TMPRSS9: variants seen among roughly 807,000 people sequenced by gnomAD.
TMPRSS9 encodes the protein transmembrane serine protease 9.
In TMPRSS9, 113 loss-of-function variants were observed where a neutral mutation model predicts 111.4. The observed-to-expected ratio is 1.01, with a 90% CI of 0.87 to 1.19. The LOEUF is 1.19. TMPRSS9 is among the 50% of genes most tolerant of loss of function. The probability of loss-of-function intolerance (pLI) is 0.00; values close to 1 mark genes in which losing one functional copy is unlikely to be tolerated. For missense variants in TMPRSS9, 1,803 were observed against 1,513.1 expected, an observed-to-expected ratio of 1.19 and a Z score of -3.18; for synonymous variants, 805 against 659.1, an observed-to-expected ratio of 1.22 and a Z score of -3.39.
intron 13 of TMPRSS9, among the ~76,000 whole-genome samples, chr19:2,421,547 A>G (rs948579546): frequency 6.6e-6 from 1 of 151,944 alleles, no homozygotes; most frequent in African/African-American, 2.4e-5. Flanking sequence ...TCAGCCTCCT[A>G]AAGTGCTGGG....
At chr19:2,375,655 A>C (rs914330613) in intron 1 of TMPRSS9, among the ~76,000 whole-genome samples, 9 of 152,022 alleles carry the variant, frequency 5.9e-5, no homozygotes, top group Non-Finnish European at 1.2e-4. Flanking sequence ...TTCAGTATGG[A>C]CCAATCATCA....
At chr19:2,413,662 C>T (rs762337941) in intron 9 of TMPRSS9, 38 bp from the exon 11 acceptor site, 8 of 1,567,208 alleles carry the variant, frequency 5.1e-6, no homozygotes, top group Admixed American at 3.4e-5. Context: ...GGACTGGCTG[C>T]TGCCGACCCA....
intron 1 of TMPRSS9, among the ~76,000 whole-genome samples, chr19:2,368,415 C>T (rs1407498639): frequency 6.6e-6 from 1 of 151,354 alleles, no homozygotes; most frequent in Non-Finnish European, 1.5e-5. Flanking sequence ...CCTTTGAAGG[C>T]ACTGAGGCTG....
intron 1 of TMPRSS9, among the ~76,000 whole-genome samples, chr19:2,379,643 T>G (rs935202314): frequency 2.0e-5 from 3 of 148,688 alleles, no homozygotes; most frequent in South Asian, 2.1e-4. Flanking sequence ...CTTTCTTTCT[T>G]TCTTTCTTTC....
At chr19:2,410,701 C>G (rs1159006536) in intron 9 of TMPRSS9, among the ~76,000 whole-genome samples, 1 of 152,044 alleles carries the variant, frequency 6.6e-6, no homozygotes, top group South Asian at 2.1e-4. Context: ...TCCAGTGGGC[C>G]CCAGGTGCGT....
At chr19:2,376,055 G>A (rs564761833) in intron 1 of TMPRSS9, among the ~76,000 whole-genome samples, 2 of 152,238 alleles carry the variant, frequency 1.3e-5, no homozygotes, top group East Asian at 3.9e-4. Flanking sequence ...TGGCTTCCTG[G>A]TGCTGCTGGA....
chr19:2,418,132 C>T (rs1971294618), exon 13 of TMPRSS9: 5 of 1,611,674 alleles, frequency 3.1e-6, no homozygotes, highest in African/African-American at 1.3e-5. Flanking sequence ...AAGTCGACTC[C>T]TGCCAGGTAA....
In TMPRSS9 at chr19:2,377,273, GTATGTATGTATGTATGTATA is replaced by G. The variant is rs1411404931; in HGVS notation, c.-25-12468_-25-12449del. On this transcript the variant is annotated intron_variant, in intron 1 of 17. Coordinates refer to the TMPRSS9 transcript ENST00000649857. ...TGTATGTATGTATGTATGTATGTAT[GTATGTATGTATGTATGTATA>G]TATGTATGTATGTATGTATGTATTT... Among the ~76,000 whole-genome samples the G allele has an allele frequency of 4.7e-3, 608 of 129,552 alleles. 5 individuals carry two copies. Among genetic ancestry groups the G allele is most frequent in the African/African-American group, 0.023 (572 of 24,744 alleles). The allele number at this position is 129,552 out of a possible 152,430, so 85.0% of individuals were successfully genotyped here. A position where few individuals can be genotyped will look rare whatever the true frequency, so the allele number is the denominator to read the frequency against.
chr19:2,391,391 A>T (rs4806844), intron 1 of TMPRSS9, among the ~76,000 whole-genome samples: 123,808 of 142,630 alleles, frequency 0.87, 54,232 homozygotes, highest in East Asian at 0.98. Context: ...CTTTTTTTTA[A>T]AAAATATTTG....
intron 1 of TMPRSS9, among the ~76,000 whole-genome samples, chr19:2,379,713 C>A (rs1599278718): frequency 6.9e-6 from 1 of 145,754 alleles, no homozygotes; most frequent in Non-Finnish European, 1.5e-5. Context: ...TTCCTCTCTC[C>A]CTTCCTCTTT....
chr19:2,363,221 T>C (rs1203419209), intron 1 of TMPRSS9, among the ~76,000 whole-genome samples: 1 of 152,208 alleles, frequency 6.6e-6, no homozygotes, highest in Non-Finnish European at 1.5e-5. Context: ...AAAATTCCCT[T>C]TGCAGAATTT....
At chr19:2,366,730 A>G (rs1294482531) in intron 1 of TMPRSS9, among the ~76,000 whole-genome samples, 7 of 151,690 alleles carry the variant, frequency 4.6e-5, no homozygotes, top group African/African-American at 9.7e-5. Context: ...GGTGGCGGGC[A>G]CCTGTAGTCC....
intron 1 of TMPRSS9, among the ~76,000 whole-genome samples, chr19:2,390,356 T>C (rs113462747): frequency 0.55 from 81,111 of 146,976 alleles, 23,102 homozygotes; most frequent in Middle Eastern, 0.72. Flanking sequence ...CGTTCTCCTG[T>C]GTCAGCCTCC....
At chr19:2,367,174 C>T (rs147828743) in intron 1 of TMPRSS9, among the ~76,000 whole-genome samples, 40 of 152,182 alleles carry the variant, frequency 2.6e-4, no homozygotes, top group African/African-American at 8.0e-4. Flanking sequence ...AACACACACT[C>T]GGAGAGGGAA....
intron 1 of TMPRSS9, among the ~76,000 whole-genome samples, chr19:2,379,621 CTTTCTTT>C (rs1970367242): frequency 1.6e-5 from 2 of 128,464 alleles, no homozygotes; most frequent in African/African-American, 6.3e-5. Flanking sequence ...CTTTCTCTTT[CTTTCTTT>C]CTTTCTTTCT....
intron 6 of TMPRSS9, among the ~76,000 whole-genome samples, chr19:2,405,067 T>C (rs896656820): frequency 1.3e-5 from 2 of 151,748 alleles, no homozygotes; most frequent in African/African-American, 4.8e-5. Flanking sequence ...ACAGACACAA[T>C]ATCCTATACA....
intron 8 of TMPRSS9, among the ~76,000 whole-genome samples, chr19:2,409,762 T>A (rs1475501356): frequency 1.3e-5 from 2 of 151,970 alleles, no homozygotes; most frequent in Admixed American, 1.3e-4. Context: ...TTGATGTGAC[T>A]GATTTAATAT....
intron 1 of TMPRSS9, among the ~76,000 whole-genome samples, chr19:2,366,668 T>G (rs1176974775): frequency 6.6e-6 from 1 of 151,246 alleles, no homozygotes; most frequent in Non-Finnish European, 1.5e-5. Context: ...CCATCCTGGC[T>G]AACACGATGA....
chr19:2,391,566 A>C (rs1568175824), intron 1 of TMPRSS9, among the ~76,000 whole-genome samples: 1 of 147,698 alleles, frequency 6.8e-6, no homozygotes, highest in African/African-American at 2.5e-5. Flanking sequence ...TTGTGCATGC[A>C]TGTGTGTGTC....
Sources: gnomAD v4.1 joint callset for allele counts (sites outside exome capture counted in the v4.1 genomes callset) on GRCh38, gnomAD v4.1.1 for gene constraint, MANE v1.5 for transcripts, NCBI Gene and HGNC (gene_info 2026-07-23, HGNC 2026-07-21) for gene names.